The following PAX5 variants were observed in gnomAD, a reference collection of about 807,000 sequenced individuals.
PAX5 encodes paired box 5.
PAX5 carries 9 observed loss-of-function variants against 43.7 expected under a neutral mutation model. The ratio of observed to expected loss-of-function variants is 0.21; its 90% CI spans 0.12 to 0.36. The LOEUF (loss-of-function observed/expected upper bound fraction) is 0.36, where lower values mean the gene tolerates loss of function less well. Among genes scored for constraint, PAX5 ranks in the 10% least tolerant of loss-of-function variants. The pLI is 1.00. For synonymous variants in PAX5, 228 were observed against 214.3 expected, an observed-to-expected ratio of 1.06 and a Z score of -0.56; for missense variants, 383 against 532.7, an observed-to-expected ratio of 0.72 and a Z score of 2.77.
At chr9:36,966,413 A>G in intron 6 of PAX5, 136 bp downstream of exon 6, 1 of 912,318 alleles carries the variant, frequency 1.1e-6, no homozygotes, top group Non-Finnish European at 1.6e-6. Flanking sequence ...AGTTTGGCCA[A>G]GAACACTGAA....
At chr9:36,871,734 CAGA>C (rs905241979) in intron 8 of PAX5, among the ~76,000 whole-genome samples, 8 of 152,222 alleles carry the variant, frequency 5.3e-5, no homozygotes, top group African/African-American at 1.9e-4. Flanking sequence ...CAACCACCAT[CAGA>C]AGGAGCTGGA....
At position 37,033,696 on chromosome 9, in the gene PAX5, A is replaced by G. The variant is rs1329569; in HGVS notation, c.46+290T>C. On this transcript the variant is annotated intron_variant, in intron 1 of 9. Transcript: ENST00000358127. ...TTTAAAAATACATATACTGTAATGA[A>G]CACACTGAGTCCCTTATATAAACAC... Among the ~76,000 whole-genome samples, 111,821 of 152,136 alleles carry G rather than the reference A, an allele frequency of 0.74. 45,218 individuals carry two copies. The highest frequency in any genetic ancestry group is 0.91 in the Non-Finnish European group (62,063 of 68,014).
intron 5 of PAX5, among the ~76,000 whole-genome samples, chr9:36,990,289 T>C (rs1179403199): frequency 2.0e-5 from 3 of 151,842 alleles, no homozygotes; most frequent in Non-Finnish European, 1.5e-5. Context: ...ATTCCAGGAG[T>C]AGTCATTGTT....
chr9:37,018,490 T>G (rs1005211106), intron 2 of PAX5, among the ~76,000 whole-genome samples: 1 of 136,680 alleles, frequency 7.3e-6, no homozygotes, highest in Admixed American at 8.7e-5. Flanking sequence ...TGCCACACAC[T>G]CTGGAAACCA....
intron 6 of PAX5, among the ~76,000 whole-genome samples, chr9:36,935,311 C>T (rs1831458321): frequency 1.3e-5 from 2 of 152,088 alleles, no homozygotes; most frequent in African/African-American, 2.4e-5. Context: ...ACCCGGGGGG[C>T]GGAGGTTGCA....
At chr9:36,920,749 A>C (rs1830103204) in intron 7 of PAX5, among the ~76,000 whole-genome samples, 1 of 151,916 alleles carries the variant, frequency 6.6e-6, no homozygotes, top group Non-Finnish European at 1.5e-5. Context: ...CATACTCAAA[A>C]AGTTTCAGAT....
At chr9:36,890,047 C>G (rs546844335) in intron 7 of PAX5, among the ~76,000 whole-genome samples, 1 of 152,064 alleles carries the variant, frequency 6.6e-6, no homozygotes, top group African/African-American at 2.4e-5. Context: ...TAATTAACCA[C>G]TGGGGGTTGT....
At chr9:36,875,987 A>G (rs1385279079) in intron 8 of PAX5, among the ~76,000 whole-genome samples, 1 of 152,240 alleles carries the variant, frequency 6.6e-6, no homozygotes, top group Admixed American at 6.5e-5. Context: ...CAGCAACAGG[A>G]AACTCAAATA....
intron 6 of PAX5, among the ~76,000 whole-genome samples, chr9:36,954,136 T>G (rs1833245955): frequency 6.6e-6 from 1 of 152,232 alleles, no homozygotes; most frequent in South Asian, 2.1e-4. Flanking sequence ...ATGCTTACTT[T>G]GTCTCTTCTT....
chr9:36,950,930 C>T (rs933017994), intron 6 of PAX5, among the ~76,000 whole-genome samples: 3 of 151,936 alleles, frequency 2.0e-5, no homozygotes, highest in African/African-American at 7.3e-5. Flanking sequence ...TTAGTAGAGA[C>T]GGGGTTTCAC....
chr9:36,913,499 C>A (rs896874954), intron 7 of PAX5, among the ~76,000 whole-genome samples: 2 of 152,214 alleles, frequency 1.3e-5, no homozygotes, highest in Non-Finnish European at 2.9e-5. Flanking sequence ...GGCAGGTAGG[C>A]ACAGTGGCTC....
chr9:36,979,398 C>T (rs3780169), intron 5 of PAX5, among the ~76,000 whole-genome samples: 57,270 of 152,092 alleles, frequency 0.38, 11,130 homozygotes, highest in East Asian at 0.61. Context: ...GTTAAATTGA[C>T]GTGTTTGGGC....
At chr9:36,904,573 A>T (rs979982773) in intron 7 of PAX5, among the ~76,000 whole-genome samples, 1 of 152,144 alleles carries the variant, frequency 6.6e-6, no homozygotes, top group Non-Finnish European at 1.5e-5. Context: ...ATAGAGATAA[A>T]TTAGAGAGAG....
chr9:36,919,645 A>G (rs1264909839), intron 7 of PAX5, among the ~76,000 whole-genome samples: 1 of 152,102 alleles, frequency 6.6e-6, no homozygotes, highest in African/African-American at 2.4e-5. Context: ...AGTTAAGACC[A>G]TCCTGGTCAA....
At position 36,837,374 on chromosome 9, in the gene PAX5, T is replaced by A. The variant is rs2131555608; in HGVS notation, c.*3186A>T. 1 of 233,292 alleles carries A rather than the reference T, an allele frequency of 4.3e-6. No individual in the cohort carries two copies. Among genetic ancestry groups the A allele is most frequent in the South Asian group, 1.8e-4 (1 of 5,526 alleles). The allele number at this position is 233,292 out of a possible 1,614,324, so 14.5% of individuals were successfully genotyped here. A position where few individuals can be genotyped will look rare whatever the true frequency, so the allele number is the denominator to read the frequency against. On this transcript the variant is annotated 3_prime_UTR_variant, in exon 10 of 10. Coordinates refer to ENST00000358127, the MANE Select transcript of PAX5 (RefSeq NM_016734.3). ...TGGGTTTGATATATCATCCAATTTT[T>A]CTAGGTTGGAGCTAGACTGATGGTA...
chr9:36,879,386 T>TG (rs1279584214), intron 8 of PAX5, among the ~76,000 whole-genome samples: 2 of 152,170 alleles, frequency 1.3e-5, no homozygotes, highest in African/African-American at 4.8e-5. Context: ...GGGTTTCCAG[T>TG]GGGGGGCTGA....
chr9:36,980,351 G>T (rs920043000), intron 5 of PAX5, among the ~76,000 whole-genome samples: 3 of 152,174 alleles, frequency 2.0e-5, no homozygotes, highest in African/African-American at 7.2e-5. Flanking sequence ...GGGGAGTTGG[G>T]GAGAAGCCAT....
chr9:36,923,605 CA>C, intron 6 of PAX5, 121 bp from the exon 7 acceptor site: 3 of 1,131,046 alleles, frequency 2.7e-6, no homozygotes, highest in Non-Finnish European at 3.7e-6. Context: ...CCAAGGCCCA[CA>C]AGGGGCTCAT....
intron 9 of PAX5, 42 bp from the exon 10 acceptor site, chr9:36,840,678 C>G (rs1472212332): frequency 6.2e-6 from 8 of 1,281,900 alleles, no homozygotes; most frequent in Admixed American, 4.2e-5. Flanking sequence ...GATCCGGGGT[C>G]CCCTTTCCAC....
Sources: allele counts gnomAD v4.1 joint callset (sites outside exome capture counted in the v4.1 genomes callset), GRCh38; gene constraint gnomAD v4.1.1; transcripts MANE v1.5; gene names NCBI Gene and HGNC (gene_info 2026-07-23, HGNC 2026-07-21).